Variants in ME1 observed in about 807,000 individuals in gnomAD.
ME1 encodes the protein NADP-dependent malic enzyme.
A neutral mutation model predicts 66.4 loss-of-function variants in ME1; 74 were observed. The ratio of observed to expected loss-of-function variants is 1.11; its 90% CI spans 0.92 to 1.35. The LOEUF (loss-of-function observed/expected upper bound fraction) is 1.35, where lower values mean the gene tolerates loss of function less well. Ranked by LOEUF, ME1 falls within the 40% of genes most tolerant of loss-of-function variation. The pLI, the probability that ME1 is intolerant of heterozygous loss-of-function variation, is 0.00. For missense variants in ME1, 750 were observed against 694.1 expected, an observed-to-expected ratio of 1.08 and a Z score of -0.90; for synonymous variants, 251 against 235.6, an observed-to-expected ratio of 1.07 and a Z score of -0.60.
intron 9 of ME1, among the ~76,000 whole-genome samples, chr6:83,232,336 C>A (rs1219516248): frequency 6.6e-6 from 1 of 152,064 alleles, no homozygotes; most frequent in Non-Finnish European, 1.5e-5. Context: ...TGTGCACTTG[C>A]TAAAAGAGTC....
chr6:83,237,411 AGAAAGAAAGAAAGAGAAAG>A (rs1266690719), intron 9 of ME1, among the ~76,000 whole-genome samples: 1 of 151,720 alleles, frequency 6.6e-6, no homozygotes, highest in Non-Finnish European at 1.5e-5. Flanking sequence ...AGAAAGAAAA[AGAAAGAAAGAAAGAGAAAG>A]GAAAGAAAGG....
At chr6:83,380,830 A>C (rs547294809) in intron 3 of ME1, among the ~76,000 whole-genome samples, 5 of 152,286 alleles carry the variant, frequency 3.3e-5, no homozygotes, top group African/African-American at 1.2e-4. Context: ...CATGTGACTA[A>C]GAGAATATAT....
intron 6 of ME1, among the ~76,000 whole-genome samples, chr6:83,291,562 T>A (rs1767503714): frequency 1.3e-5 from 2 of 152,172 alleles, no homozygotes; most frequent in Non-Finnish European, 2.9e-5. Context: ...ATTTTTTCCT[T>A]CATTTCAACC....
chr6:83,285,554 T>G (rs571931911), intron 6 of ME1, among the ~76,000 whole-genome samples: 3 of 152,140 alleles, frequency 2.0e-5, no homozygotes, highest in African/African-American at 7.2e-5. Flanking sequence ...CTGTAAGATA[T>G]GCAAATATTG....
chr6:83,363,479 T>C (rs1246264572), intron 3 of ME1, among the ~76,000 whole-genome samples: 2 of 152,162 alleles, frequency 1.3e-5, no homozygotes. Context: ...CCATGCCCTG[T>C]GATTAAGGTC....
rs769319473 is a variant in ME1 at position 83,237,750 on chromosome 6, T to C, written c.993A>G (p.Ile331Met). 2 of 1,608,890 alleles carry C rather than the reference T, an allele frequency of 1.2e-6. No individual in the cohort carries two copies. The highest frequency in any genetic ancestry group is 1.7e-6 in the Non-Finnish European group (2 of 1,176,774). Residue 331 changes from isoleucine to methionine, a missense_variant, in exon 9 of 14, where the codon ATA becomes ATG. By Grantham distance (10) the Ile-to-Met change is conservative. Coordinates refer to ENST00000369705, the MANE Select transcript of ME1 (RefSeq NM_002395.6). ...GLPKEKAIKKIWLVDSKGLIV... is the reference protein window; with the variant it reads ...GLPKEKAIKKMWLVDSKGLIV... ...TTAATCCTTTTGAATCAACCAGCCATATCTTTTTGATGGCTTTCTCTTTTG... is the reference window on the plus strand; with the variant it reads ...TTAATCCTTTTGAATCAACCAGCCACATCTTTTTGATGGCTTTCTCTTTTG...
At chr6:83,359,665 G>A (rs576496491) in intron 3 of ME1, among the ~76,000 whole-genome samples, 3 of 152,304 alleles carry the variant, frequency 2.0e-5, no homozygotes, top group Admixed American at 2.0e-4. Context: ...AAGGCTTAGG[G>A]AGATTGGGGT....
intron 9 of ME1, among the ~76,000 whole-genome samples, chr6:83,235,963 A>G (rs1056680228): frequency 6.6e-6 from 1 of 152,124 alleles, no homozygotes; most frequent in Non-Finnish European, 1.5e-5. Flanking sequence ...ATATATAAAA[A>G]AGACATTAGA....
chr6:83,331,818 A>T (rs1353731158), intron 5 of ME1, among the ~76,000 whole-genome samples: 2 of 152,176 alleles, frequency 1.3e-5, no homozygotes, highest in Non-Finnish European at 2.9e-5. Context: ...ACCCTAAAAA[A>T]AAGAATATCC....
chr6:83,288,625 A>T (rs1562470378), intron 6 of ME1, among the ~76,000 whole-genome samples: 1 of 151,828 alleles, frequency 6.6e-6, no homozygotes, highest in Non-Finnish European at 1.5e-5. Flanking sequence ...CCAGGACTGT[A>T]TTGGTTATGC....
rs1195547592 is a variant in ME1 at position 83,407,748 on chromosome 6, C to T, written c.212+20G>A. Reference sequence around the variant, plus strand: ...AACTGCATAAGAGAAATATAAAAACCACCTTCAGCAATGTGTTACCTGTCA... The same window carrying T: ...AACTGCATAAGAGAAATATAAAAACTACCTTCAGCAATGTGTTACCTGTCA... On this transcript the variant is annotated intron_variant, in intron 2 of 13. Transcript: ENST00000369705. 6.5e-7 allele frequency: 1 copy of T among 1,541,140 alleles called. No individual in the cohort carries two copies. Among genetic ancestry groups the T allele is most frequent in the East Asian group, 2.3e-5 (1 of 43,008 alleles).
intron 6 of ME1, among the ~76,000 whole-genome samples, chr6:83,277,674 G>A (rs1314730835): frequency 1.3e-5 from 2 of 152,076 alleles, no homozygotes; most frequent in East Asian, 3.9e-4. Context: ...GGCTGAGGCA[G>A]GCAGATCACT....
intron 6 of ME1, among the ~76,000 whole-genome samples, chr6:83,280,046 A>C (rs1346686693): frequency 2.0e-5 from 3 of 152,200 alleles, no homozygotes; most frequent in Admixed American, 1.3e-4. Flanking sequence ...TGTAGGAGAA[A>C]TAAAGACTTT....
intron 2 of ME1, among the ~76,000 whole-genome samples, chr6:83,406,971 TACACAC>T (rs59788379): frequency 8.1e-4 from 116 of 143,968 alleles, no homozygotes; most frequent in Middle Eastern, 3.5e-3. Flanking sequence ...TTTTCATTCA[TACACAC>T]ACACACACAC....
At chr6:83,283,979 T>C (rs978093563) in intron 6 of ME1, among the ~76,000 whole-genome samples, 7 of 152,124 alleles carry the variant, frequency 4.6e-5, no homozygotes, top group Non-Finnish European at 8.8e-5. Flanking sequence ...ACAAGATCAA[T>C]AGACTGCTAG....
At position 83,407,893 on chromosome 6, in the gene ME1, G is replaced by T. The variant is rs751958667; in HGVS notation, c.87C>A (p.Ala29=). 6.2e-7 allele frequency: 1 copy of T among 1,607,010 alleles called. No individual in the cohort carries two copies. The highest frequency in any genetic ancestry group is 8.5e-7 in the Non-Finnish European group (1 of 1,178,204). Reference sequence around the variant, plus strand: ...ATTGCTGTCTCTCTTCCAGGGTAAAGGCCAAGTCCTATAGAGAAAAAACAC... The same window carrying T: ...ATTGCTGTCTCTCTTCCAGGGTAAATGCCAAGTCCTATAGAGAAAAAACAC... ...TRNPHLNKDL[A]FTLEERQQLN... is the part of the protein sequence containing the mutation. Residue 29 remains alanine, a synonymous_variant, in exon 2 of 14, where the codon GCC becomes GCA. Transcript: ENST00000369705.
intron 6 of ME1, among the ~76,000 whole-genome samples, chr6:83,276,005 C>T (rs1326966633): frequency 1.3e-5 from 2 of 151,862 alleles, no homozygotes; most frequent in East Asian, 1.9e-4. Flanking sequence ...CTTCTGACCT[C>T]GTGATCTGCC....
intron 13 of ME1, 135 bp from the exon 14 acceptor site, chr6:83,212,229 G>T: frequency 2.0e-6 from 1 of 510,358 alleles, no homozygotes; most frequent in Non-Finnish European, 3.3e-6. Context: ...TATAATAAAA[G>T]CACATATAAG....
intron 10 of ME1, 102 bp from the exon 11 acceptor site, chr6:83,227,579 T>G: frequency 2.9e-6 from 3 of 1,023,380 alleles, no homozygotes; most frequent in Middle Eastern, 2.4e-4. Context: ...CATTTTCTAA[T>G]AGACCCTAAA....
Sources: allele counts gnomAD v4.1 joint callset (sites outside exome capture counted in the v4.1 genomes callset), GRCh38; gene constraint gnomAD v4.1.1; transcripts MANE v1.5; gene names NCBI Gene and HGNC (gene_info 2026-07-23, HGNC 2026-07-21).